HIVEP1: variants seen among roughly 807,000 people sequenced by gnomAD.
The protein encoded by HIVEP1 is zinc finger protein 40.
In HIVEP1, 36 loss-of-function variants were observed where a neutral mutation model predicts 180.0. The ratio of observed to expected loss-of-function variants is 0.20; its 90% confidence interval spans 0.15 to 0.26. The LOEUF is 0.26. HIVEP1 is among the 10% of genes least tolerant of loss of function. HIVEP1 has a pLI of 1.00. For synonymous variants in HIVEP1, 1,239 were observed against 1,239.0 expected, an observed-to-expected ratio of 1.00 and a Z score of 0.00; for missense variants, 3,143 against 3,268.7, an observed-to-expected ratio of 0.96 and a Z score of 0.94.
intron 2 of HIVEP1, among the ~76,000 whole-genome samples, chr6:12,027,304 G>C (rs192084720): frequency 1.2e-4 from 19 of 152,344 alleles, no homozygotes; most frequent in Admixed American, 5.9e-4. Context: ...GTTAGTATGT[G>C]AGGGTCCGCT....
intron 2 of HIVEP1, among the ~76,000 whole-genome samples, chr6:12,047,921 A>G (rs918750164): frequency 6.6e-6 from 1 of 152,240 alleles, no homozygotes; most frequent in Non-Finnish European, 1.5e-5. Context: ...TTTTCAGAGC[A>G]GTACCCTCCT....
At chr6:12,011,827 G>T (rs1429433210), upstream of HIVEP1, among the ~76,000 whole-genome samples, 5 of 146,882 alleles carry the variant, frequency 3.4e-5, no homozygotes, top group South Asian at 1.1e-3. Context: ...GGCGTCCCGC[G>T]CCCCTCGCCC....
chr6:12,203,484 C>T, the HIVEP1 span, among the ~76,000 whole-genome samples: 1 of 152,150 alleles, frequency 6.6e-6, no homozygotes, highest in African/African-American at 2.4e-5. Context: ...AATGCATTTC[C>T]TATGGAGTGA....
chr6:12,111,172 A>C (rs1774866162), intron 3 of HIVEP1, among the ~76,000 whole-genome samples: 1 of 152,244 alleles, frequency 6.6e-6, no homozygotes, highest in Admixed American at 6.5e-5. Context: ...ATAATAATGC[A>C]AAAGTTTGAA....
At chr6:12,029,491 C>A (rs1020693890) in intron 2 of HIVEP1, among the ~76,000 whole-genome samples, 1 of 152,106 alleles carries the variant, frequency 6.6e-6, no homozygotes, top group Non-Finnish European at 1.5e-5. Context: ...TTGCTTCATA[C>A]TTTTGTTCCT....
chr6:12,184,879 A>G, the HIVEP1 span, among the ~76,000 whole-genome samples: 414 of 152,334 alleles, frequency 2.7e-3, 1 homozygote, highest in African/African-American at 9.4e-3. Flanking sequence ...TATTTATTTA[A>G]AAATAAAAAG....
rs1253643754 is a variant in HIVEP1 at position 12,124,693 on chromosome 6, C to T, written c.4898C>T (p.Ser1633Leu). The change falls in exon 4 of 9, where the codon TCA becomes TTA. Residue 1633 changes from serine (S) to leucine (L), a missense_variant. By Grantham distance (145) the Ser-to-Leu change is moderately radical. Around this residue, in one of 12 missense-constraint regions of HIVEP1, gnomAD observed 1,357 missense variants for 1,260.5 expected, o/e 1.08. Transcript: ENST00000379388. ...AGTCAGGTGCAGAAGGTGCCATCAT[C>T]ATTCATGCTGCCCATACGCCTGCAG... ...LGSQVQKVPSSFMLPIRLQSS... is the reference protein window; with the variant it reads ...LGSQVQKVPSLFMLPIRLQSS... The T allele has an allele frequency of 6.2e-7, 1 of 1,614,042 alleles. No homozygotes were observed. The highest frequency in any genetic ancestry group is 1.3e-5 in the African/African-American group (1 of 74,912).
the HIVEP1 span, among the ~76,000 whole-genome samples, chr6:12,198,785 G>A: frequency 6.6e-6 from 1 of 152,200 alleles, no homozygotes; most frequent in Non-Finnish European, 1.5e-5. Flanking sequence ...CGCTTCTGGG[G>A]CAATCTGCTT....
downstream of HIVEP1, among the ~76,000 whole-genome samples, chr6:12,168,859 T>C (rs1760828744): frequency 6.6e-6 from 1 of 152,170 alleles, no homozygotes; most frequent in Non-Finnish European, 1.5e-5. Flanking sequence ...TAAGCTATGT[T>C]GTTCAGTAGG....
chr6:12,153,415 C>G lies in HIVEP1; in HGVS notation c.6488-8024C>G, dbSNP rs552143792. On this transcript the variant is annotated intron_variant, in intron 7 of 8. Transcript: ENST00000379388. ...CATTTTTCATCTTTTAAATCATTCT[C>G]TGAGAAAAAGTCAACTCCTTAATTA... Among the ~76,000 whole-genome samples, 11 of 152,026 alleles carry G rather than the reference C, an allele frequency of 7.2e-5. No individual in the cohort carries two copies. In the South Asian group the frequency reaches 2.3e-3, roughly 32 times the overall value.
At chr6:12,134,240 A>T (rs1471769707) in intron 6 of HIVEP1, among the ~76,000 whole-genome samples, 1 of 152,198 alleles carries the variant, frequency 6.6e-6, no homozygotes, top group East Asian at 1.9e-4. Flanking sequence ...TTTTTTCAGT[A>T]TATTTAATGT....
chr6:12,029,741 A>T (rs1055155853), intron 2 of HIVEP1, among the ~76,000 whole-genome samples: 18 of 151,972 alleles, frequency 1.2e-4, no homozygotes, highest in Non-Finnish European at 2.4e-4. Context: ...TATTATTGTG[A>T]TATATGCTTA....
At chr6:12,118,976 TTTC>T (rs1435586600) in intron 3 of HIVEP1, among the ~76,000 whole-genome samples, 1 of 152,214 alleles carries the variant, frequency 6.6e-6, no homozygotes, top group Non-Finnish European at 1.5e-5. Flanking sequence ...AGGGTTGAAT[TTTC>T]TTCTTTTTGG....
the HIVEP1 span, among the ~76,000 whole-genome samples, chr6:12,190,556 CCT>C: frequency 2.0e-5 from 3 of 152,132 alleles, no homozygotes; most frequent in East Asian, 5.8e-4. Flanking sequence ...TATCGGGCTC[CCT>C]CTCTTTCTTA....
At chr6:12,166,792 C>A (rs960391365), downstream of HIVEP1, among the ~76,000 whole-genome samples, 8 of 152,206 alleles carry the variant, frequency 5.3e-5, no homozygotes, top group Middle Eastern at 3.4e-3. Flanking sequence ...AGACCCAGGC[C>A]TGTAGAGAAC....
At chr6:12,116,067 T>C (rs183213191) in intron 3 of HIVEP1, among the ~76,000 whole-genome samples, 39 of 152,210 alleles carry the variant, frequency 2.6e-4, no homozygotes, top group Middle Eastern at 6.8e-3. Context: ...ACCAATTTTA[T>C]TTCTGCTTTG....
chr6:12,184,659 G>C, the HIVEP1 span, among the ~76,000 whole-genome samples: 1 of 152,094 alleles, frequency 6.6e-6, no homozygotes, highest in East Asian at 1.9e-4. Flanking sequence ...TGTTGTCACA[G>C]ATGGAATTTC....
downstream of HIVEP1, among the ~76,000 whole-genome samples, chr6:12,166,031 T>C (rs1760691797): frequency 6.6e-6 from 1 of 152,214 alleles, no homozygotes; most frequent in South Asian, 2.1e-4. Context: ...CAAAATTCTC[T>C]CAAAAACAAT....
At chr6:12,169,325 C>T (rs1053028889), downstream of HIVEP1, among the ~76,000 whole-genome samples, 2 of 152,162 alleles carry the variant, frequency 1.3e-5, no homozygotes, top group African/African-American at 2.4e-5. Flanking sequence ...TCTTTGCACA[C>T]ACAGGTTTAT....
Sources: allele counts gnomAD v4.1 joint callset (sites outside exome capture counted in the v4.1 genomes callset), GRCh38; gene constraint gnomAD v4.1.1; regional missense constraint gnomAD v4.1.1; transcripts MANE v1.5; gene names NCBI Gene and HGNC (gene_info 2026-07-23, HGNC 2026-07-21).